DIP2C: variants seen among roughly 807,000 people sequenced by gnomAD.
DIP2C encodes DIP2 acetate--CoA ligase C (putative).
Under a neutral mutation model 192.4 loss-of-function variants are expected in DIP2C, and 33 were observed. The ratio of observed to expected loss-of-function variants is 0.17; its 90% CI spans 0.13 to 0.23. DIP2C has a LOEUF of 0.23. Ranked by LOEUF, DIP2C falls within the 10% of genes least tolerant of loss-of-function variation. The pLI is 1.00. For missense variants in DIP2C, 1,537 were observed against 2,110.1 expected (o/e 0.73, Z 5.32); for synonymous variants, 979 against 864.1 (o/e 1.13, Z -2.33).
chr10:487,438 C>T lies in DIP2C; in HGVS notation c.86-908G>A, dbSNP rs187719390. On this transcript the variant is annotated intron_variant, in intron 1 of 36. Coordinates refer to ENST00000280886, the MANE Select transcript of DIP2C (RefSeq NM_014974.3). ...CAGTCTCGGATGCTGCCTCTGCCTC[C>T]ACGGCTGCCTCCACCAACTCACAGC... is the stretch of plus-strand genomic sequence containing the variant. 2.5e-3 allele frequency among the ~76,000 whole-genome samples: 382 copies of T among 152,228 alleles called. 1 individual carries two copies. The highest frequency in any genetic ancestry group is 8.6e-3 in the African/African-American group (359 of 41,534).
intron 2 of DIP2C, among the ~76,000 whole-genome samples, chr10:483,108 G>A (rs779089333): frequency 2.0e-5 from 3 of 152,186 alleles, no homozygotes; most frequent in African/African-American, 2.4e-5. Flanking sequence ...CAGCTGGGAC[G>A]TGCCTGGCTG....
chr10:606,287 A>C lies in DIP2C; in HGVS notation c.85+83207T>G, dbSNP rs145287244. ...CCCCAGCACGCTCTGTCCGAGGGGGAAGACACCAGTCACAGCCACACAGCT... is the reference window on the plus strand; with the variant it reads ...CCCCAGCACGCTCTGTCCGAGGGGGCAGACACCAGTCACAGCCACACAGCT... On this transcript the variant is annotated intron_variant, in intron 1 of 36. Coordinates refer to ENST00000280886, the MANE Select transcript of DIP2C (RefSeq NM_014974.3). 7.5e-3 allele frequency among the ~76,000 whole-genome samples: 1,148 copies of C among 152,074 alleles called. 11 individuals are homozygous for C. The highest frequency in any genetic ancestry group is 0.027 in the South Asian group (131 of 4,810).
intron 1 of DIP2C, among the ~76,000 whole-genome samples, chr10:495,471 A>C (rs1429549524): frequency 6.6e-6 from 1 of 152,106 alleles, no homozygotes; most frequent in Non-Finnish European, 1.5e-5. Flanking sequence ...CAGGAAAAAA[A>C]CCTGAAATCC....
chr10:275,227 C>G lies in DIP2C; in HGVS notation c.*2098G>C, dbSNP rs747144333. 6.6e-6 allele frequency: 1 copy of G among 152,248 alleles called. No homozygotes were observed. Among genetic ancestry groups the G allele is most frequent in the Admixed American group, 6.5e-5 (1 of 15,284 alleles). 9.4% of individuals were successfully genotyped at this position (152,248 alleles called of 1,614,324 possible). On this transcript the variant is annotated 3_prime_UTR_variant, in exon 37 of 37. Transcript: ENST00000280886. The stretch of plus-strand genomic sequence containing the variant: ...GCAGCTAATGTTTCATAGTCAGTGC[C>G]TGGCCTGAAGCCCCAAACCTACCTC...
At chr10:336,266 G>C (rs1426671902) in intron 29 of DIP2C, among the ~76,000 whole-genome samples, 1 of 152,290 alleles carries the variant, frequency 6.6e-6, no homozygotes, top group East Asian at 1.9e-4. Context: ...GGTCAAGGAT[G>C]GGTCCGTGTA....
chr10:582,329 CA>C (rs1850722137), intron 1 of DIP2C, among the ~76,000 whole-genome samples: 1 of 152,224 alleles, frequency 6.6e-6, no homozygotes. Context: ...GCACCCAACC[CA>C]AATACAGAGG....
At chr10:295,822 T>C (rs575136689) in intron 32 of DIP2C, among the ~76,000 whole-genome samples, 3 of 152,016 alleles carry the variant, frequency 2.0e-5, no homozygotes, top group African/African-American at 4.8e-5. Flanking sequence ...GCCTGGCCTA[T>C]ATGGTGAAAC....
intron 2 of DIP2C, among the ~76,000 whole-genome samples, chr10:477,547 G>A (rs1285587834): frequency 5.8e-5 from 1 of 17,350 alleles, no homozygotes; most frequent in African/African-American, 8.6e-5. Flanking sequence ...GGGGAGGAAG[G>A]GGGAAAGGAA....
chr10:373,338 A>G (rs1448324473), intron 17 of DIP2C, among the ~76,000 whole-genome samples: 1 of 152,180 alleles, frequency 6.6e-6, no homozygotes, highest in Non-Finnish European at 1.5e-5. Context: ...CCCACAAATA[A>G]CCACATACAG....
At chr10:412,114 A>C (rs994429512) in intron 8 of DIP2C, among the ~76,000 whole-genome samples, 118 of 152,354 alleles carry the variant, frequency 7.7e-4, no homozygotes, top group African/African-American at 2.5e-3. Flanking sequence ...CCTTGCAGGA[A>C]GGGGAAAGAC....
chr10:386,344 G>A (rs908595081), intron 14 of DIP2C, among the ~76,000 whole-genome samples: 4 of 152,222 alleles, frequency 2.6e-5, no homozygotes, highest in African/African-American at 7.2e-5. Flanking sequence ...GAAGGGACTT[G>A]GACGCACGTC....
At chr10:331,647 G>A (rs764883974) in intron 29 of DIP2C, among the ~76,000 whole-genome samples, 1 of 152,194 alleles carries the variant, frequency 6.6e-6, no homozygotes, top group Non-Finnish European at 1.5e-5. Flanking sequence ...TGATGTGCTC[G>A]TATGATGCCA....
rs763609407 is a variant in DIP2C, at chr10:651,982, G to A, written c.85+37512C>T. The A allele has an allele frequency of 1.2e-5, 2 of 163,296 alleles. No individual in the cohort carries two copies. The highest frequency in any genetic ancestry group is 5.9e-5 in the Admixed American group (1 of 16,842). The allele number at this position is 163,296 out of a possible 1,614,324, so 10.1% of individuals were successfully genotyped here. A position where few individuals can be genotyped will look rare whatever the true frequency, so the allele number is the denominator to read the frequency against. ...CTGCCGAACCTGCGTGTACAGAGTC[G>A]GCCCTCCGACACACGTTTCACATGG... is the stretch of plus-strand genomic sequence containing the variant. On this transcript the variant is annotated intron_variant, in intron 1 of 36. Coordinates refer to ENST00000280886, the MANE Select transcript of DIP2C (RefSeq NM_014974.3). This position sits in a 1 kb window ranked among gnomAD's most constrained non-coding sequence, Gnocchi z 4.1.
chr10:622,371 A>G (rs1334098341), intron 1 of DIP2C, among the ~76,000 whole-genome samples: 10 of 19,606 alleles, frequency 5.1e-4, no homozygotes, highest in Non-Finnish European at 7.7e-4. Flanking sequence ...GGAGGGGGAG[A>G]GAAGAAGGGG....
At chr10:558,527 G>C (rs527588615) in intron 1 of DIP2C, among the ~76,000 whole-genome samples, 4 of 152,304 alleles carry the variant, frequency 2.6e-5, no homozygotes, top group African/African-American at 4.8e-5. Context: ...CCAGCGCAGG[G>C]GGACAGGAGC....
At chr10:522,116 G>A (rs896041926) in intron 1 of DIP2C, among the ~76,000 whole-genome samples, 6 of 150,484 alleles carry the variant, frequency 4.0e-5, no homozygotes, top group African/African-American at 1.5e-4. Flanking sequence ...CCTGGCAGCT[G>A]CTGACGGTTT....
At chr10:483,434 G>A (rs759137215) in intron 2 of DIP2C, among the ~76,000 whole-genome samples, 7 of 152,216 alleles carry the variant, frequency 4.6e-5, no homozygotes, top group South Asian at 4.1e-4. Context: ...GCACACTTGC[G>A]TGTCACAAGC....
intron 2 of DIP2C, among the ~76,000 whole-genome samples, chr10:477,917 CAGGAAAAGAGAGGGAAAGAAGGA>C (rs1325151396): frequency 1.2e-5 from 1 of 86,256 alleles, no homozygotes; most frequent in Non-Finnish European, 2.2e-5. Context: ...AAAGAAAAGA[CAGGAAAAGAGAGGGAAAGAAGGA>C]AGGAAAAGAA....
chr10:314,452 C>T (rs776120305), intron 31 of DIP2C, among the ~76,000 whole-genome samples: 2 of 152,152 alleles, frequency 1.3e-5, no homozygotes, highest in East Asian at 3.9e-4. Flanking sequence ...GTCTCGTCAC[C>T]GCTAACTCAT....
Sources: gnomAD v4.1 joint callset for allele counts (sites outside exome capture counted in the v4.1 genomes callset) on GRCh38, gnomAD v4.1.1 for gene constraint, Gnocchi (gnomAD v3.1) non-coding constraint, MANE v1.5 for transcripts, NCBI Gene and HGNC (gene_info 2026-07-23, HGNC 2026-07-21) for gene names.